EPB41L5: variants seen among roughly 807,000 people sequenced by gnomAD.
EPB41L5 encodes erythrocyte membrane protein band 4.1 like 5.
A neutral mutation model predicts 106.6 loss-of-function variants in EPB41L5; 55 were observed. The observed-to-expected ratio is 0.52, with a 90% CI of 0.42 to 0.65. The LOEUF (loss-of-function observed/expected upper bound fraction) is 0.65. Among genes scored for constraint, EPB41L5 ranks in the 30% least tolerant of loss-of-function variants. The pLI, the probability that EPB41L5 is intolerant of heterozygous loss-of-function variation, is 0.00. For missense variants in EPB41L5, 871 were observed against 882.1 expected, an observed-to-expected ratio of 0.99 and a Z score of 0.16; for synonymous variants, 297 against 306.7, an observed-to-expected ratio of 0.97 and a Z score of 0.33.
intron 16 of EPB41L5, chr2:120,108,276 A>G (rs1684564076): frequency 6.6e-6 from 1 of 152,130 alleles, no homozygotes; most frequent in Non-Finnish European, 1.5e-5. Flanking sequence ...TTTTCCAAGG[A>G]TTGTGACTGA....
At chr2:120,023,443 G>A (rs529455821) in intron 2 of EPB41L5, among the ~76,000 whole-genome samples, 3 of 152,162 alleles carry the variant, frequency 2.0e-5, no homozygotes, top group South Asian at 4.1e-4. Context: ...ATAGGGAATC[G>A]TTTCCCCATT....
At chr2:120,145,597 A>T (rs1024518667) in intron 19 of EPB41L5, among the ~76,000 whole-genome samples, 2 of 152,162 alleles carry the variant, frequency 1.3e-5, no homozygotes, top group Non-Finnish European at 2.9e-5. Context: ...GATGTTGGCT[A>T]AACACTTGTA....
At chr2:120,043,238 T>A (rs181974338) in intron 3 of EPB41L5, among the ~76,000 whole-genome samples, 3 of 152,090 alleles carry the variant, frequency 2.0e-5, no homozygotes, top group African/African-American at 7.2e-5. Flanking sequence ...ACTATGCAGC[T>A]CATTAAAAAT....
intron 2 of EPB41L5, 77 bp downstream of exon 2, chr2:120,019,341 G>T: frequency 7.4e-7 from 1 of 1,357,156 alleles, no homozygotes; most frequent in Non-Finnish European, 1.0e-6. Context: ...CTTTGTATTG[G>T]TAACTTCTGG....
chr2:120,078,342 G>A (rs1682399285), intron 9 of EPB41L5, 151 bp from the exon 10 acceptor site: 1 of 391,484 alleles, frequency 2.6e-6, no homozygotes. Flanking sequence ...TATTATTATG[G>A]ATACTCTAAT....
rs1574610380 is a variant in EPB41L5 at position 120,078,742 on chromosome 2, C to T, written c.803+161C>T. On this transcript the variant is annotated intron_variant, in intron 10 of 24. Coordinates refer to ENST00000263713, the MANE Select transcript of EPB41L5 (RefSeq NM_020909.4). ...ACTATTACGCATCATTATTCCTACT[C>T]TCCAGAGGCAATTATTAAAACTCTT... is the stretch of plus-strand genomic sequence containing the variant. 2.0e-5 allele frequency among the ~76,000 whole-genome samples: 3 copies of T among 152,274 alleles called. No individual in the cohort carries two copies. In the South Asian group the frequency reaches 6.2e-4, roughly 32 times the overall value.
At chr2:120,107,557 C>T (rs1267578135) in intron 16 of EPB41L5, among the ~76,000 whole-genome samples, 5 of 151,990 alleles carry the variant, frequency 3.3e-5, no homozygotes, top group Non-Finnish European at 4.4e-5. Context: ...GATAATTCTG[C>T]GGTGGGGAAA....
intron 16 of EPB41L5, 141 bp downstream of exon 16, chr2:120,100,955 A>C: frequency 1.6e-6 from 1 of 619,392 alleles, no homozygotes. Context: ...TTATTAAATA[A>C]TCATATTGAG....
intron 5 of EPB41L5, among the ~76,000 whole-genome samples, chr2:120,075,082 C>G (rs1274899111): frequency 6.6e-6 from 1 of 152,192 alleles, no homozygotes; most frequent in Non-Finnish European, 1.5e-5. Flanking sequence ...CCCGCCTCGC[C>G]CTCCCAAAGT....
At chr2:120,065,624 CT>C (rs1312357156) in intron 3 of EPB41L5, among the ~76,000 whole-genome samples, 6 of 151,010 alleles carry the variant, frequency 4.0e-5, no homozygotes, top group African/African-American at 1.2e-4. Flanking sequence ...TCAAGCGACT[CT>C]CATGCCTCAG....
At chr2:120,123,597 C>G (rs1685325711) in intron 16 of EPB41L5, among the ~76,000 whole-genome samples, 1 of 148,260 alleles carries the variant, frequency 6.7e-6, no homozygotes, top group Non-Finnish European at 1.5e-5. Flanking sequence ...TCCCCATTCT[C>G]AAAATGTACA....
intron 10 of EPB41L5, among the ~76,000 whole-genome samples, chr2:120,080,677 C>T (rs565755687): frequency 7.2e-5 from 11 of 152,292 alleles, no homozygotes; most frequent in Non-Finnish European, 1.5e-4. Flanking sequence ...CTTGAGGAAT[C>T]GCCACACTGT....
intron 16 of EPB41L5, chr2:120,104,678 T>C: frequency 1.0e-6 from 1 of 985,038 alleles, no homozygotes; most frequent in Non-Finnish European, 1.2e-6. Flanking sequence ...TTTTGAGATA[T>C]TTATTAAAAA....
At chr2:120,112,903 C>T (rs1684784981) in intron 16 of EPB41L5, among the ~76,000 whole-genome samples, 3 of 152,178 alleles carry the variant, frequency 2.0e-5, no homozygotes, top group Non-Finnish European at 4.4e-5. Flanking sequence ...AACAATGAGG[C>T]TGGGCTTCAA....
chr2:120,156,253 C>T (rs1686895919), intron 20 of EPB41L5, among the ~76,000 whole-genome samples: 1 of 152,172 alleles, frequency 6.6e-6, no homozygotes, highest in African/African-American at 2.4e-5. Context: ...CTGGCCATAC[C>T]TGCTTGCCGG....
intron 18 of EPB41L5, among the ~76,000 whole-genome samples, chr2:120,133,131 A>G (rs1490118188): frequency 6.6e-6 from 1 of 152,134 alleles, no homozygotes; most frequent in Non-Finnish European, 1.5e-5. Flanking sequence ...ATAGCTAGGA[A>G]GAATAACAAT....
intron 14 of EPB41L5, among the ~76,000 whole-genome samples, 158 bp downstream of exon 14, chr2:120,093,434 G>T (rs1599893): frequency 0.99 from 150,983 of 152,332 alleles, 74,841 homozygotes; most frequent in East Asian, 1. Context: ...CCAGATAAAA[G>T]TGACATGATG....
At chr2:120,018,985 G>A (rs749838319) in intron 1 of EPB41L5, 92 bp from the exon 2 acceptor site, 19 of 1,129,536 alleles carry the variant, frequency 1.7e-5, no homozygotes, top group Non-Finnish European at 2.3e-5. Context: ...AATGTTCACA[G>A]GACTTGACTA....
At chr2:120,070,103 A>G (rs187811568) in intron 3 of EPB41L5, among the ~76,000 whole-genome samples, 50 of 152,290 alleles carry the variant, frequency 3.3e-4, no homozygotes, top group Non-Finnish European at 5.0e-4. Context: ...AATAAAGAAG[A>G]AAATAGAGAA....
Sources: gnomAD v4.1 joint callset for allele counts (sites outside exome capture counted in the v4.1 genomes callset) on GRCh38, gnomAD v4.1.1 for gene constraint, MANE v1.5 for transcripts, NCBI Gene and HGNC (gene_info 2026-07-23, HGNC 2026-07-21) for gene names.